Variants in TSHZ2 observed in about 807,000 individuals in gnomAD.
TSHZ2 encodes teashirt homolog 2.
A neutral mutation model predicts 74.4 loss-of-function variants in TSHZ2; 21 were observed. The observed-to-expected ratio is 0.28, with a 90% confidence interval of 0.20 to 0.41. The LOEUF (loss-of-function observed/expected upper bound fraction) is 0.41, where lower values mean the gene tolerates loss of function less well. Among genes scored for constraint, TSHZ2 ranks in the 10% least tolerant of loss-of-function variants. The probability of loss-of-function intolerance (pLI) is 1.00; values close to 1 mark genes in which losing one functional copy is unlikely to be tolerated. For missense variants in TSHZ2, 1,244 were observed against 1,293.5 expected (o/e 0.96, Z 0.59); for synonymous variants, 540 against 515.3 (o/e 1.05, Z -0.65).
chr20:53,154,858 C>T (rs2107322), intron 1 of TSHZ2, among the ~76,000 whole-genome samples: 30,683 of 152,088 alleles, frequency 0.2, 3,335 homozygotes, highest in East Asian at 0.4. Flanking sequence ...CAACCAAAAA[C>T]TATCCTTTGC....
chr20:53,154,377 A>C (rs1987745254), intron 1 of TSHZ2, among the ~76,000 whole-genome samples: 1 of 152,210 alleles, frequency 6.6e-6, no homozygotes, highest in Non-Finnish European at 1.5e-5. Context: ...CCCATGAACA[A>C]AATTTGTTTC....
At chr20:53,259,977 T>C (rs1361487236) in intron 2 of TSHZ2, among the ~76,000 whole-genome samples, 1 of 152,182 alleles carries the variant, frequency 6.6e-6, no homozygotes, top group Non-Finnish European at 1.5e-5. Flanking sequence ...CCTTCCTCCA[T>C]TAAATAAATA....
chr20:53,206,048 G>A (rs1033489413), intron 1 of TSHZ2, among the ~76,000 whole-genome samples: 16 of 152,004 alleles, frequency 1.1e-4, no homozygotes, highest in African/African-American at 3.4e-4. Context: ...GTGAAACCCC[G>A]TCTCTACTAA....
intron 1 of TSHZ2, among the ~76,000 whole-genome samples, chr20:53,118,022 T>A (rs997021597): frequency 2.3e-4 from 35 of 152,334 alleles, no homozygotes; most frequent in African/African-American, 8.2e-4. Context: ...ATCCTTCTTA[T>A]CACTCAGGAG....
At chr20:52,995,227 C>A (rs1396438983) in intron 1 of TSHZ2, among the ~76,000 whole-genome samples, 1 of 152,184 alleles carries the variant, frequency 6.6e-6, no homozygotes, top group East Asian at 1.9e-4. Flanking sequence ...GGGGTAAGCT[C>A]CATCTTTGAT....
intron 1 of TSHZ2, among the ~76,000 whole-genome samples, chr20:53,148,205 C>A (rs1600712393): frequency 6.6e-6 from 1 of 152,294 alleles, no homozygotes; most frequent in Admixed American, 6.5e-5. Context: ...AATGTTATTT[C>A]TCTTTGGGGA....
At chr20:53,446,580 A>G (rs1984558388) in intron 2 of TSHZ2, among the ~76,000 whole-genome samples, 1 of 36,914 alleles carries the variant, frequency 2.7e-5, no homozygotes. Context: ...CTCTGTCGCA[A>G]AAAAAAAAAA....
intron 2 of TSHZ2, among the ~76,000 whole-genome samples, chr20:53,437,497 A>G (rs1208168563): frequency 6.6e-6 from 1 of 152,112 alleles, no homozygotes; most frequent in Non-Finnish European, 1.5e-5. Flanking sequence ...AAAAGAAAAG[A>G]AAAAAGAAAA....
chr20:53,183,171 C>A (rs1402909351), intron 1 of TSHZ2, among the ~76,000 whole-genome samples: 2 of 152,218 alleles, frequency 1.3e-5, no homozygotes, highest in Non-Finnish European at 2.9e-5. Context: ...ATTCTCCCAA[C>A]CCAACCATTC....
chr20:53,117,453 G>A (rs1016620669), intron 1 of TSHZ2, among the ~76,000 whole-genome samples: 15 of 152,194 alleles, frequency 9.9e-5, no homozygotes, highest in Admixed American at 3.9e-4. Context: ...CTGCCCTTCA[G>A]GAGCCTCCTT....
At position 52,972,528 on chromosome 20, in the gene TSHZ2, G is replaced by GTATATATATACCTATATATAATA. The variant is rs1981148838; in HGVS notation, c.-765_-764insATATATATACCTATATATAATAT. ...TGTGAGTGCGTGTGTGAGTGTCTGT[G>GTATATATATACCTATATATAATA]TGTGTGTCTGTGTGTGTGTGTGAGT... is the stretch of plus-strand genomic sequence containing the variant. On this transcript the variant is annotated 5_prime_UTR_variant, in exon 1 of 3. It adds an upstream start codon to the 5' untranslated region. Coordinates refer to ENST00000371497, the MANE Select transcript of TSHZ2 (RefSeq NM_173485.6). 1 of 153,562 alleles carries GTATATATATACCTATATATAATA rather than the reference G, an allele frequency of 6.5e-6. No individual in the cohort carries two copies. Among genetic ancestry groups the GTATATATATACCTATATATAATA allele is most frequent in the Non-Finnish European group, 1.5e-5 (1 of 68,944 alleles). The allele number at this position is 153,562 out of a possible 1,614,324, so 9.5% of individuals were successfully genotyped here.
chr20:53,298,665 T>C (rs558282654), intron 2 of TSHZ2, among the ~76,000 whole-genome samples: 1 of 152,252 alleles, frequency 6.6e-6, no homozygotes, highest in South Asian at 2.1e-4. Flanking sequence ...GAGAGGACCT[T>C]GAGAAGTCAC....
chr20:53,050,594 G>A (rs965500598), intron 1 of TSHZ2, among the ~76,000 whole-genome samples: 3 of 152,220 alleles, frequency 2.0e-5, no homozygotes, highest in Non-Finnish European at 2.9e-5. Flanking sequence ...CAGCAGAGAC[G>A]TGTCATAGGA....
intron 1 of TSHZ2, among the ~76,000 whole-genome samples, chr20:52,996,680 C>G (rs1215963374): frequency 6.6e-6 from 1 of 152,136 alleles, no homozygotes; most frequent in Non-Finnish European, 1.5e-5. Flanking sequence ...TTTAGAGAAG[C>G]CTTTTCTCTT....
intron 2 of TSHZ2, among the ~76,000 whole-genome samples, chr20:53,418,638 C>A (rs1983357909): frequency 1.3e-5 from 2 of 151,886 alleles, no homozygotes; most frequent in Admixed American, 1.3e-4. Flanking sequence ...CCAATTACCA[C>A]CCCCCAGGTC....
At chr20:53,469,387 T>C (rs966120414) in intron 2 of TSHZ2, among the ~76,000 whole-genome samples, 48 of 151,604 alleles carry the variant, frequency 3.2e-4, no homozygotes, top group Admixed American at 2.4e-3. Context: ...CTACTAAAAA[T>C]ACAAAAATTA....
intron 1 of TSHZ2, among the ~76,000 whole-genome samples, chr20:53,230,865 C>T (rs564618472): frequency 5.9e-4 from 90 of 151,810 alleles, no homozygotes; most frequent in Non-Finnish European, 1.0e-3. Context: ...GCACTCCAGC[C>T]CAGGTGAGAC....
At chr20:53,175,123 TCTTC>T (rs1988298509) in intron 1 of TSHZ2, among the ~76,000 whole-genome samples, 1 of 145,488 alleles carries the variant, frequency 6.9e-6, no homozygotes, top group Admixed American at 7.0e-5. Flanking sequence ...TCCTCCTTCT[TCTTC>T]TTTCTTTTTT....
intron 1 of TSHZ2, among the ~76,000 whole-genome samples, chr20:53,055,396 A>G (rs953763882): frequency 6.6e-6 from 1 of 152,212 alleles, no homozygotes; most frequent in Non-Finnish European, 1.5e-5. Context: ...GATTTTGAAA[A>G]CAATTCACTA....
Sources: allele counts gnomAD v4.1 joint callset (sites outside exome capture counted in the v4.1 genomes callset), GRCh38; gene constraint gnomAD v4.1.1; transcripts MANE v1.5; gene names NCBI Gene and HGNC (gene_info 2026-07-23, HGNC 2026-07-21).